Variants in FDXR observed in about 807,000 individuals in gnomAD.
FDXR encodes the protein ferredoxin reductase, also known as NADPH:adrenodoxin oxidoreductase, mitochondrial.
Under a neutral mutation model 58.3 loss-of-function variants are expected in FDXR, and 38 were observed. That is an observed-to-expected ratio of 0.65 (90% CI 0.50 to 0.85). The LOEUF is 0.85. FDXR is among the 40% of genes least tolerant of loss of function. The probability of loss-of-function intolerance (pLI) is 0.00; values close to 1 mark genes in which losing one functional copy is unlikely to be tolerated. For synonymous variants in FDXR, 275 were observed against 273.8 expected (o/e 1.00, Z -0.04); for missense variants, 624 against 671.0 (o/e 0.93, Z 0.77).
intron 10 of FDXR, 29 bp downstream of exon 10, chr17:74,863,867 C>T (rs756482315): frequency 2.5e-6 from 4 of 1,596,818 alleles, no homozygotes; most frequent in African/African-American, 2.7e-5. Context: ...CACCATAATT[C>T]AGCACCCAGC....
At chr17:74,868,508 C>T (rs1036732717) in intron 2 of FDXR, 3 of 1,403,652 alleles carry the variant, frequency 2.1e-6, no homozygotes, top group African/African-American at 1.4e-5. Context: ...AAAGTTCAAA[C>T]TGCTCGGCCT....
At chr17:74,872,816 C>A (rs1454631530) in intron 1 of FDXR, 50 bp downstream of exon 1, 1 of 1,541,988 alleles carries the variant, frequency 6.5e-7, no homozygotes, top group Non-Finnish European at 8.7e-7. Flanking sequence ...ACTCAGCGCT[C>A]GCAGGCCTCC....
chr17:74,871,347 T>G (rs1241521776), intron 2 of FDXR, among the ~76,000 whole-genome samples: 1 of 152,238 alleles, frequency 6.6e-6, no homozygotes, highest in Non-Finnish European at 1.5e-5. Flanking sequence ...AATTAAGATA[T>G]TCATCCTTTC....
At chr17:74,870,945 G>C (rs146951415) in intron 2 of FDXR, among the ~76,000 whole-genome samples, 35 of 152,100 alleles carry the variant, frequency 2.3e-4, no homozygotes, top group Non-Finnish European at 4.6e-4. Flanking sequence ...TGGGACTACA[G>C]ACCTGTGCCA....
chr17:74,868,272 C>T, intron 2 of FDXR: 2 of 573,060 alleles, frequency 3.5e-6, no homozygotes, highest in South Asian at 4.4e-5. Flanking sequence ...CCTTGGATGC[C>T]AGTCCCAGCT....
intron 7 of FDXR, 28 bp downstream of exon 7, chr17:74,864,796 C>G: frequency 6.2e-7 from 1 of 1,613,670 alleles, no homozygotes; most frequent in Non-Finnish European, 8.5e-7. Context: ...ACCTGGAACC[C>G]TGGCTCCTCC....
At chr17:74,865,235 C>T (rs2038136112) in intron 6 of FDXR, among the ~76,000 whole-genome samples, 1 of 152,042 alleles carries the variant, frequency 6.6e-6, no homozygotes, top group South Asian at 2.1e-4. Context: ...AGGAGCAGGC[C>T]CTCTCAGAGC....
At chr17:74,865,093 A>G in intron 6 of FDXR, 162 bp from the exon 7 acceptor site, 1 of 861,382 alleles carries the variant, frequency 1.2e-6, no homozygotes, top group Non-Finnish European at 1.8e-6. Context: ...CCAACTCTGC[A>G]AATGGCTCCA....
rs1186491484 is a variant in FDXR, at chr17:74,862,632, G to T, written c.*185C>A. On this transcript the variant is annotated 3_prime_UTR_variant, in exon 12 of 12. Coordinates refer to ENST00000293195, the MANE Select transcript of FDXR (RefSeq NM_024417.5). Reference sequence around the variant, plus strand: ...CCTAAGGTTACCTCAGTTGCTGAAAGCTAAAACCTTGCGCGCAAGGGCGAC... The same window carrying T: ...CCTAAGGTTACCTCAGTTGCTGAAATCTAAAACCTTGCGCGCAAGGGCGAC... The T allele has an allele frequency of 2.6e-6, 2 of 769,106 alleles. No homozygotes were observed. Among genetic ancestry groups the T allele is most frequent in the Admixed American group, 6.0e-5 (2 of 33,414 alleles). 47.6% of individuals were successfully genotyped at this position (769,106 alleles called of 1,614,324 possible).
chr17:74,870,830 TCTCA>T lies in FDXR; in HGVS notation c.177+1202_177+1205del, dbSNP rs943041444. Reference sequence around the variant, plus strand: ...TTTTTTTTTTTTTTTTGAGACAGGGTCTCACTCTGTCGCCCAGGCTGGAGTACAG... The same window carrying T: ...TTTTTTTTTTTTTTTTGAGACAGGGTCTCTGTCGCCCAGGCTGGAGTACAG... On this transcript the variant is annotated intron_variant, in intron 2 of 11. Transcript: ENST00000293195. 1.0e-4 allele frequency among the ~76,000 whole-genome samples: 11 copies of T among 108,422 alleles called. No homozygotes were observed. The East Asian group carries it at 2.0e-3, about 20-fold the overall frequency. 71.1% of individuals were successfully genotyped at this position (108,422 alleles called of 152,430 possible).
chr17:74,871,812 C>G (rs1046287410), intron 2 of FDXR, among the ~76,000 whole-genome samples: 1 of 152,146 alleles, frequency 6.6e-6, no homozygotes, highest in African/African-American at 2.4e-5. Context: ...TGCCACTGAC[C>G]ACTCACCACC....
intron 2 of FDXR, among the ~76,000 whole-genome samples, chr17:74,870,601 CT>C (rs1440600194): frequency 2.0e-5 from 3 of 147,382 alleles, no homozygotes; most frequent in African/African-American, 5.0e-5. Flanking sequence ...TAAAAAAAAA[CT>C]GTCCCTTATA....
At position 74,866,163 on chromosome 17, in the gene FDXR, C is replaced by T. The variant is rs2038173748; in HGVS notation, c.475G>A (p.Gly159Ser). The T allele has an allele frequency of 1.2e-6, 2 of 1,613,786 alleles. No homozygotes were observed. The highest frequency in any genetic ancestry group is 2.7e-5 in the African/African-American group (2 of 74,908). The change falls in exon 5 of 12, where the codon GGC becomes AGC. Residue 159 changes from glycine (G) to serine (S), a missense_variant. Coordinates refer to ENST00000293195, the MANE Select transcript of FDXR (RefSeq NM_024417.5). Reference sequence around the variant, plus strand: ...TTCTCAGGAAGCCCGTTGTACCAGCCCACGAAGGCCCGGGCGGAGCACACA... The same window carrying T: ...TTCTCAGGAAGCCCGTTGTACCAGCTCACGAAGGCCCGGGCGGAGCACACA... ...PGVCSARAFV[G>S]WYNGLPENQE...
chr17:74,865,658 G>C, intron 6 of FDXR, 61 bp downstream of exon 6: 9 of 1,169,178 alleles, frequency 7.7e-6, no homozygotes, highest in Non-Finnish European at 1.1e-5. Flanking sequence ...CTGCAGACAA[G>C]GGCACTCTCT....
Position 74,872,110 on chromosome 17 carries a change from G to C in FDXR, c.103C>G (p.Gln35Glu), listed in dbSNP as rs571448378. The part of the protein sequence containing the change: ...TPSFCHHFST[Q>E]EKTPQICVVG... ...ACACAGATCTGGGGGGTCTTCTCCT[G>C]TGTGGAGAAATGGTGGCAGAAGCCT... Residue 35 changes from glutamine to glutamate, a missense_variant, in exon 2 of 12, where the codon CAG becomes GAG. Transcript: ENST00000293195. The C allele has an allele frequency of 2.5e-6, 4 of 1,607,342 alleles. No individual in the cohort carries two copies. The African/African-American group carries it at 5.4e-5, about 22-fold the overall frequency.
chr17:74,868,691 CTCCT>C (rs1345521169), intron 2 of FDXR: 5 of 1,531,800 alleles, frequency 3.3e-6, no homozygotes, highest in East Asian at 2.4e-5. Flanking sequence ...TCCAGGTTTC[CTCCT>C]TCCTTCCTTC....
rs35769464 is a variant in FDXR at position 74,862,879 on chromosome 17, T to C, written c.1414A>G (p.Thr472Ala). ...ACCAGCTTCTCCCTGGGCTTCCCCG[T>C]GCCCTGGCCCCGGGCCACCTCCTCG... is the stretch of plus-strand genomic sequence containing the variant. ...DAEEVARGQG[T>A]GKPREKLVDP... The change falls in exon 12 of 12, where the codon ACG becomes GCG. Residue 472 changes from threonine (T) to alanine (A), a missense_variant. Transcript: ENST00000293195. 9,044 of 1,613,208 alleles carry C rather than the reference T, an allele frequency of 5.6e-3. 31 individuals are homozygous for C. Among genetic ancestry groups the C allele is most frequent in the Non-Finnish European group, 6.6e-3 (7,746 of 1,179,984 alleles).
chr17:74,869,294 A>G (rs1328867400), intron 2 of FDXR, among the ~76,000 whole-genome samples: 1 of 152,188 alleles, frequency 6.6e-6, no homozygotes, highest in Non-Finnish European at 1.5e-5. Flanking sequence ...GATTAGGTCC[A>G]AGTTAGGCCC....
chr17:74,865,950 G>T, intron 5 of FDXR, 130 bp from the exon 6 acceptor site: 1 of 880,322 alleles, frequency 1.1e-6, no homozygotes. Context: ...CCACAACTCT[G>T]GTCCCTCCTC....
Sources: gnomAD v4.1 joint callset for allele counts (sites outside exome capture counted in the v4.1 genomes callset) on GRCh38, gnomAD v4.1.1 for gene constraint, MANE v1.5 for transcripts, NCBI Gene and HGNC (gene_info 2026-07-23, HGNC 2026-07-21) for gene names.